The following RAPGEF6 variants were observed in gnomAD, a reference collection of about 807,000 sequenced individuals.
The protein encoded by RAPGEF6 is PDZ domain containing guanine nucleotide exchange factor (GEF) 2.
RAPGEF6 carries 56 observed loss-of-function variants against 171.4 expected under a neutral mutation model. That is an observed-to-expected ratio of 0.33 (90% CI 0.26 to 0.41). RAPGEF6 has a LOEUF of 0.41. Ranked by LOEUF, RAPGEF6 falls within the 10% of genes least tolerant of loss-of-function variation. The probability of loss-of-function intolerance (pLI) is 1.00; values close to 1 mark genes in which losing one functional copy is unlikely to be tolerated. For missense variants in RAPGEF6, 1,674 were observed against 1,921.4 expected (o/e 0.87, Z 2.41); for synonymous variants, 692 against 650.1 (o/e 1.06, Z -0.98).
At chr5:131,563,332 T>C (rs13360540) in intron 4 of RAPGEF6, among the ~76,000 whole-genome samples, 11,225 of 152,188 alleles carry the variant, frequency 0.074, 849 homozygotes, top group African/African-American at 0.19. Context: ...TACAACTTCA[T>C]TGATGGGCTA....
intron 22 of RAPGEF6, among the ~76,000 whole-genome samples, chr5:131,443,298 G>C (rs949101237): frequency 6.6e-6 from 1 of 152,006 alleles, no homozygotes; most frequent in South Asian, 2.1e-4. Context: ...GGCTGGTCTC[G>C]AACTCTTGAC....
chr5:131,553,176 C>G (rs1225654994), intron 5 of RAPGEF6, among the ~76,000 whole-genome samples: 1 of 152,116 alleles, frequency 6.6e-6, no homozygotes, highest in Non-Finnish European at 1.5e-5. Context: ...AGCACAAGAG[C>G]ACAGAGAAGG....
chr5:131,548,246 A>T (rs1170063555), intron 5 of RAPGEF6, 56 bp from the exon 6 acceptor site: 3 of 1,573,552 alleles, frequency 1.9e-6, no homozygotes, highest in East Asian at 4.5e-5. Context: ...TATTATTGAC[A>T]ATCTATGGAG....
Position 131,465,496 on chromosome 5 carries a change from G to C in RAPGEF6, c.2240-1215C>G, listed in dbSNP as rs114436983. On this transcript the variant is annotated intron_variant, in intron 17 of 27. Transcript: ENST00000509018. ...AAAGTTTCCTTTTTAAAAAAATTAG[G>C]AATACAGGCTGGGTATGACTCACAC... is the stretch of plus-strand genomic sequence containing the variant. 3.8e-3 allele frequency among the ~76,000 whole-genome samples: 571 copies of C among 152,082 alleles called. 4 individuals are homozygous for C. Among genetic ancestry groups the C allele is most frequent in the African/African-American group, 0.013 (548 of 41,480 alleles).
At chr5:131,540,335 C>T (rs6880027) in intron 6 of RAPGEF6, among the ~76,000 whole-genome samples, 8 of 152,278 alleles carry the variant, frequency 5.3e-5, no homozygotes, top group African/African-American at 1.9e-4. Flanking sequence ...TGGGAGGCTG[C>T]AGTGATTAGA....
At chr5:131,577,506 G>C (rs1406214154) in intron 4 of RAPGEF6, among the ~76,000 whole-genome samples, 1 of 152,124 alleles carries the variant, frequency 6.6e-6, no homozygotes, top group Non-Finnish European at 1.5e-5. Flanking sequence ...CTATCTTCCA[G>C]TCCTCCAGCA....
Position 131,595,299 on chromosome 5 carries a change from C to T in RAPGEF6, c.198-2833G>A, listed in dbSNP as rs530470482. Among the ~76,000 whole-genome samples, 245 of 152,210 alleles carry T rather than the reference C, an allele frequency of 1.6e-3. 1 individual carries two copies. Among genetic ancestry groups the T allele is most frequent in the African/African-American group, 5.6e-3 (233 of 41,520 alleles). On this transcript the variant is annotated intron_variant, in intron 3 of 27. Transcript: ENST00000509018. ...CATTCTCTCTCTGTCTCCTGCTCACCGTGGTAAGGAGTGCTTGTTTCCCCT... is the reference window on the plus strand; with the variant it reads ...CATTCTCTCTCTGTCTCCTGCTCACTGTGGTAAGGAGTGCTTGTTTCCCCT...
At chr5:131,541,607 T>C (rs1018504872) in intron 6 of RAPGEF6, among the ~76,000 whole-genome samples, 5 of 152,156 alleles carry the variant, frequency 3.3e-5, no homozygotes, top group African/African-American at 1.2e-4. Context: ...TTCTTCCATC[T>C]TGGCCTCTCA....
At chr5:131,615,257 C>T (rs1029269715) in intron 1 of RAPGEF6, among the ~76,000 whole-genome samples, 1 of 152,136 alleles carries the variant, frequency 6.6e-6, no homozygotes, top group Non-Finnish European at 1.5e-5. Context: ...TAAGCATTCA[C>T]AAAACAGAAT....
chr5:131,480,438 C>A (rs1755393910), intron 15 of RAPGEF6, among the ~76,000 whole-genome samples: 1 of 152,086 alleles, frequency 6.6e-6, no homozygotes, highest in African/African-American at 2.4e-5. Flanking sequence ...CTTTGCTGGA[C>A]TTTATTTTTA....
Position 131,446,398 on chromosome 5 carries a change from C to T in RAPGEF6, c.3421+85G>A, listed in dbSNP as rs1752692142. ...TCTTTTGTGAGTGAAAGTTAATTTT[C>T]TTGGGACTTAGGTATAATTCTAGAG... On this transcript the variant is annotated intron_variant, in intron 22 of 27. Transcript: ENST00000509018. 4 of 1,293,360 alleles carry T rather than the reference C, an allele frequency of 3.1e-6. No individual in the cohort carries two copies. The South Asian group carries it at 4.4e-5, about 14-fold the overall frequency. The allele number at this position is 1,293,360 out of a possible 1,614,324, so 80.1% of individuals were successfully genotyped here.
At chr5:131,587,203 A>C (rs775635792) in intron 4 of RAPGEF6, among the ~76,000 whole-genome samples, 11 of 152,240 alleles carry the variant, frequency 7.2e-5, no homozygotes, top group Non-Finnish European at 1.5e-4. Context: ...CTGAACTAAA[A>C]GGAAGTCCTA....
At chr5:131,484,635 A>C (rs1378625636) in intron 15 of RAPGEF6, among the ~76,000 whole-genome samples, 2 of 152,224 alleles carry the variant, frequency 1.3e-5, no homozygotes, top group African/African-American at 4.8e-5. Context: ...AGGTGGATCT[A>C]TATGAGCATA....
intron 4 of RAPGEF6, among the ~76,000 whole-genome samples, chr5:131,582,095 C>A (rs1327588537): frequency 1.3e-5 from 2 of 152,200 alleles, no homozygotes; most frequent in Non-Finnish European, 2.9e-5. Flanking sequence ...TTCCCAGACT[C>A]AGCCTACCTG....
chr5:131,528,315 A>ATT (rs1561538254), intron 6 of RAPGEF6, among the ~76,000 whole-genome samples: 5 of 5,936 alleles, frequency 8.4e-4, no homozygotes, highest in African/African-American at 1.7e-3. Context: ...TATTTATATT[A>ATT]TATATATATA....
chr5:131,553,023 C>A (rs564851577), intron 5 of RAPGEF6, among the ~76,000 whole-genome samples: 1 of 152,246 alleles, frequency 6.6e-6, no homozygotes, highest in South Asian at 2.1e-4. Context: ...AGATGATAAA[C>A]AGTAACCAAG....
chr5:131,459,180 T>TGCAA (rs1753727677), intron 19 of RAPGEF6, among the ~76,000 whole-genome samples: 1 of 152,136 alleles, frequency 6.6e-6, no homozygotes. Flanking sequence ...ATGTGTTAGA[T>TGCAA]TTCAGTACAT....
At chr5:131,580,919 C>T (rs1272642195) in intron 4 of RAPGEF6, among the ~76,000 whole-genome samples, 1 of 152,186 alleles carries the variant, frequency 6.6e-6, no homozygotes, top group African/African-American at 2.4e-5. Context: ...GAATGAACAA[C>T]TGCCTGTCTC....
chr5:131,562,680 C>T (rs147727163), intron 4 of RAPGEF6, among the ~76,000 whole-genome samples: 25 of 152,142 alleles, frequency 1.6e-4, no homozygotes, highest in South Asian at 4.2e-4. Flanking sequence ...ACCTAATACA[C>T]GGGAAATGCT....
Sources: gnomAD v4.1 joint callset for allele counts (sites outside exome capture counted in the v4.1 genomes callset) on GRCh38, gnomAD v4.1.1 for gene constraint, MANE v1.5 for transcripts, NCBI Gene and HGNC (gene_info 2026-07-23, HGNC 2026-07-21) for gene names.